PTGS2: variants seen among roughly 807,000 people sequenced by gnomAD.
The protein encoded by PTGS2 is prostaglandin G/H synthase 2.
PTGS2 carries 14 observed loss-of-function variants against 63.8 expected under a neutral mutation model. The observed-to-expected ratio is 0.22, with a 90% CI of 0.14 to 0.34. PTGS2 has a LOEUF of 0.34. Ranked by LOEUF, PTGS2 falls within the 10% of genes least tolerant of loss-of-function variation. PTGS2 has a pLI of 1.00. For missense variants in PTGS2, 533 were observed against 738.5 expected (o/e 0.72, Z 3.23); for synonymous variants, 271 against 259.5 (o/e 1.04, Z -0.43).
At chr1:186,675,479 G>T in intron 8 of PTGS2, 83 bp from the exon 9 acceptor site, 1 of 1,483,116 alleles carries the variant, frequency 6.7e-7, no homozygotes, top group Non-Finnish European at 9.1e-7. Context: ...GTACAAATCA[G>T]GTAAAACTGA....
At chr1:186,680,058 G>A (rs534748098) in intron 1 of PTGS2, among the ~76,000 whole-genome samples, 181 bp downstream of exon 1, 1 of 152,334 alleles carries the variant, frequency 6.6e-6, no homozygotes, top group Admixed American at 6.5e-5. Flanking sequence ...AGTGCTTGTG[G>A]GAAAGCTGGA....
rs1291537846 is a variant in PTGS2, at chr1:186,676,704, C to T, written c.733G>A (p.Gly245Arg). The T allele has an allele frequency of 1.9e-6, 3 of 1,604,428 alleles. No homozygotes were observed. Among genetic ancestry groups the T allele is most frequent in the Non-Finnish European group, 2.5e-6 (3 of 1,176,500 alleles). Residue 245 changes from glycine (G) to arginine (R), a missense_variant, in exon 7 of 10, where the codon GGA becomes AGA. Physicochemically the swap from Gly to Arg is moderately radical, Grantham distance 125. Around this residue, in one of 5 missense-constraint regions of PTGS2, gnomAD observed 118 missense variants for 138.7 expected, o/e 0.85. Coordinates refer to ENST00000367468, the MANE Select transcript of PTGS2 (RefSeq NM_000963.4). ...DGKMKYQIID[G>R]EMYPPTVKDT... ...TTGACTGTGGGAGGATACATCTCTC[C>T]ATCAATTATCTAAAAAAATAAATAA...
At position 186,672,076 on chromosome 1, in the gene PTGS2, A is replaced by G. The variant is rs1665698075; in HGVS notation, c.*2277T>C. 2 of 152,076 alleles carry G rather than the reference A, an allele frequency of 1.3e-5. No individual in the cohort carries two copies. The highest frequency in any genetic ancestry group is 4.1e-4 in the South Asian group (2 of 4,824). The allele number at this position is 152,076 out of a possible 1,614,324, so 9.4% of individuals were successfully genotyped here. ...TTAAACATTCTAAACGTAAAATTGTAAAGAAGATTCTCCTGAGTTATCTTT... is the reference window on the plus strand; with the variant it reads ...TTAAACATTCTAAACGTAAAATTGTGAAGAAGATTCTCCTGAGTTATCTTT... On this transcript the variant is annotated 3_prime_UTR_variant, in exon 10 of 10. Coordinates refer to ENST00000367468, the MANE Select transcript of PTGS2 (RefSeq NM_000963.4).
intron 9 of PTGS2, 97 bp downstream of exon 9, chr1:186,675,151 TG>T (rs1196204518): frequency 6.7e-7 from 1 of 1,492,200 alleles, no homozygotes. Flanking sequence ...CACTCCAGCC[TG>T]GGTGACAGAG....
intron 9 of PTGS2, 57 bp from the exon 10 acceptor site, chr1:186,674,819 A>G (rs978248464): frequency 3.2e-5 from 49 of 1,507,790 alleles, no homozygotes; most frequent in Non-Finnish European, 4.1e-5. Context: ...AAAATAAAAA[A>G]CAGTTTGATT....
rs899765784 is a variant in PTGS2, at chr1:186,675,189, A to G, written c.1405+60T>C. On this transcript the variant is annotated intron_variant, in intron 9 of 9. Coordinates refer to ENST00000367468, the MANE Select transcript of PTGS2 (RefSeq NM_000963.4). Reference sequence around the variant, plus strand: ...GCGGCTCCATCTCGAAAAGAAAACCAAAAACAACAAAAACAAACAAACAAA... The same window carrying G: ...GCGGCTCCATCTCGAAAAGAAAACCGAAAACAACAAAAACAAACAAACAAA... 75 of 1,593,398 alleles carry G rather than the reference A, an allele frequency of 4.7e-5. No individual in the cohort carries two copies. The African/African-American group carries it at 8.9e-4, about 19-fold the overall frequency.
intron 5 of PTGS2, 63 bp from the exon 6 acceptor site, chr1:186,676,979 A>G (rs1665793312): frequency 5.2e-6 from 6 of 1,152,676 alleles, no homozygotes; most frequent in African/African-American, 4.7e-5. Flanking sequence ...TAAAGTGTCT[A>G]TCATATAATT....
Position 186,676,483 on chromosome 1 carries a change from G to T in PTGS2, c.954C>A (p.Ser318Arg). The change falls in exon 7 of 10, where the codon AGC (serine) becomes AGA (arginine). Residue 318 changes from serine (S) to arginine (R), a missense_variant. Physicochemically the swap from Ser to Arg is moderately radical, Grantham distance 110. Coordinates refer to ENST00000367468, the MANE Select transcript of PTGS2 (RefSeq NM_000963.4). ...CTTGTTTACCTATCAGTATTAGCCT[G>T]CTTGTCTGGAACAACTGCTCATCAC... is the stretch of plus-strand genomic sequence containing the variant. Reference protein sequence around the residue: ...EWGDEQLFQTSRLILIGETIK... With the variant: ...EWGDEQLFQTRRLILIGETIK... 1 of 1,614,122 alleles carries T rather than the reference G, an allele frequency of 6.2e-7. No homozygotes were observed. Among genetic ancestry groups the T allele is most frequent in the Non-Finnish European group, 8.5e-7 (1 of 1,180,024 alleles).
At position 186,673,751 on chromosome 1, in the gene PTGS2, A is replaced by G. The variant is rs200207384; in HGVS notation, c.*602T>C. 1 of 152,190 alleles carries G rather than the reference A, an allele frequency of 6.6e-6. No homozygotes were observed. The highest frequency in any genetic ancestry group is 2.4e-5 in the African/African-American group (1 of 41,448). The allele number at this position is 152,190 out of a possible 1,614,324, so 9.4% of individuals were successfully genotyped here. ...TTTTGGTATATGTACAAGTTTAATA[A>G]CTTTAAGAAATCAAACAAGCTTTTA... On this transcript the variant is annotated 3_prime_UTR_variant, in exon 10 of 10. Transcript: ENST00000367468.
chr1:186,674,899 C>T (rs1337660906), intron 9 of PTGS2, 137 bp from the exon 10 acceptor site: 2 of 1,091,694 alleles, frequency 1.8e-6, no homozygotes, highest in African/African-American at 1.6e-5. Flanking sequence ...AGTTTAGGGG[C>T]CAGGCGCGGT....
chr1:186,675,177 G>A (rs4648282), intron 9 of PTGS2, 72 bp downstream of exon 9: 33,815 of 1,583,282 alleles, frequency 0.021, 438 homozygotes, highest in South Asian at 0.025. Context: ...GCTCCATCTC[G>A]AAAAGAAAAC....
At position 186,677,659 on chromosome 1, in the gene PTGS2, A is replaced by C. The variant is rs1477645399; in HGVS notation, c.629T>G (p.Leu210Arg). Residue 210 changes from leucine (L) to arginine (R), a missense_variant, in exon 5 of 10, where the codon CTG becomes CGG. Leu to Arg is a moderately radical substitution (Grantham distance 102). Around this residue, in one of 5 missense-constraint regions of PTGS2, gnomAD observed 118 missense variants for 138.7 expected, o/e 0.85. Coordinates refer to ENST00000367468, the MANE Select transcript of PTGS2 (RefSeq NM_000963.4). ...HKRGPAFTNG[L>R]GHGVDLNHIY... Reference sequence around the variant, plus strand: ...TTAACTCTATCTTACCCCATGGCCCAGCCCGTTGGTGAAAGCTGGCCCTCG... The same window carrying C: ...TTAACTCTATCTTACCCCATGGCCCCGCCCGTTGGTGAAAGCTGGCCCTCG... 3.7e-6 allele frequency: 6 copies of C among 1,610,712 alleles called. No homozygotes were observed. The highest frequency in any genetic ancestry group is 3.3e-4 in the Middle Eastern group (2 of 6,066).
Position 186,680,338 on chromosome 1 carries a change from G to A in PTGS2, c.-48C>T. The A allele has an allele frequency of 6.9e-7, 1 of 1,449,718 alleles. No individual in the cohort carries two copies. The highest frequency in any genetic ancestry group is 9.3e-7 in the Non-Finnish European group (1 of 1,077,072). The allele number at this position is 1,449,718 out of a possible 1,614,324, so 89.8% of individuals were successfully genotyped here. A position where few individuals can be genotyped will look rare whatever the true frequency, so the allele number is the denominator to read the frequency against. On this transcript the variant is annotated 5_prime_UTR_variant, in exon 1 of 10. Transcript: ENST00000367468. ...CGCGGGGGTAGGCTTTGCTGTCTGAGGGCGTCTGGCTGTGGAGCTGAAGGA... is the reference window on the plus strand; with the variant it reads ...CGCGGGGGTAGGCTTTGCTGTCTGAAGGCGTCTGGCTGTGGAGCTGAAGGA...
intron 5 of PTGS2, among the ~76,000 whole-genome samples, chr1:186,677,264 A>C (rs976289546): frequency 5.3e-5 from 8 of 152,212 alleles, no homozygotes; most frequent in African/African-American, 1.9e-4. Flanking sequence ...TTGAAATCCA[A>C]AAAATAATAA....
chr1:186,679,010 AT>A, intron 3 of PTGS2, 47 bp downstream of exon 3: 1 of 1,572,506 alleles, frequency 6.4e-7, no homozygotes, highest in Non-Finnish European at 8.6e-7. Context: ...TATAAAGCAT[AT>A]TTTTCTTTGA....
chr1:186,673,819 T>C lies in PTGS2; in HGVS notation c.*534A>G, dbSNP rs2102004181. On this transcript the variant is annotated 3_prime_UTR_variant, in exon 10 of 10. Transcript: ENST00000367468. The stretch of plus-strand genomic sequence containing the variant: ...TGAATTTAGAAATTTCAAATTATTG[T>C]TTCATTGCTGATTTTAAAAAGTAGA... 6.6e-6 allele frequency: 1 copy of C among 152,324 alleles called. No homozygotes were observed. The highest frequency in any genetic ancestry group is 6.5e-5 in the Admixed American group (1 of 15,300). 9.4% of individuals were successfully genotyped at this position (152,324 alleles called of 1,614,324 possible).
In PTGS2 at chr1:186,676,509, C is replaced by G. The variant is rs1315583021; in HGVS notation, c.928G>C (p.Gly310Arg). The G allele has an allele frequency of 6.2e-7, 1 of 1,614,082 alleles. No individual in the cohort carries two copies. The highest frequency in any genetic ancestry group is 8.5e-7 in the Non-Finnish European group (1 of 1,180,006). The change falls in exon 7 of 10, where the codon GGT becomes CGT. Residue 310 changes from glycine to arginine, a missense_variant. This residue lies in a region of PTGS2 where 67 missense variants were observed against 152.6 expected (regional missense o/e 0.44). Transcript: ENST00000367468. ...CTTGTCTGGAACAACTGCTCATCAC[C>G]CCATTCAGGATGCTCCTGTTTAAGC... ...DVLKQEHPEWGDEQLFQTSRL... is the reference protein window; with the variant it reads ...DVLKQEHPEWRDEQLFQTSRL...
At chr1:186,680,168 G>C (rs188057986) in intron 1 of PTGS2, 71 bp downstream of exon 1, 12 of 1,548,490 alleles carry the variant, frequency 7.7e-6, no homozygotes, top group Non-Finnish European at 1.0e-5. Context: ...GATAGACCCA[G>C]GAGGTCAGAG....
intron 3 of PTGS2, among the ~76,000 whole-genome samples, 155 bp downstream of exon 3, chr1:186,678,903 A>G (rs1033058654): frequency 2.0e-5 from 3 of 152,238 alleles, no homozygotes; most frequent in Non-Finnish European, 2.9e-5. Flanking sequence ...CTAAATGTCA[A>G]TATTTTTGGC....
Sources: gnomAD v4.1 joint callset for allele counts (sites outside exome capture counted in the v4.1 genomes callset) on GRCh38, gnomAD v4.1.1 for gene constraint, gnomAD v4.1.1 regional missense constraint, MANE v1.5 for transcripts, NCBI Gene and HGNC (gene_info 2026-07-23, HGNC 2026-07-21) for gene names.